Variants in TCF7L2 observed in about 807,000 individuals in gnomAD.
The protein encoded by TCF7L2 is transcription factor 7-like 2.
Under a neutral mutation model 77.9 loss-of-function variants are expected in TCF7L2, and 23 were observed. That is an observed-to-expected ratio of 0.30 (90% CI 0.21 to 0.42). The LOEUF (loss-of-function observed/expected upper bound fraction) is 0.42, where lower values mean the gene tolerates loss of function less well. TCF7L2 is among the 10% of genes least tolerant of loss of function. The pLI, the probability that TCF7L2 is intolerant of heterozygous loss-of-function variation, is 1.00. For synonymous variants in TCF7L2, 413 were observed against 340.2 expected (o/e 1.21, Z -2.36); for missense variants, 654 against 793.1 (o/e 0.82, Z 2.11).
intron 5 of TCF7L2, among the ~76,000 whole-genome samples, chr10:113,095,380 C>A (rs1256503275): frequency 6.6e-6 from 1 of 152,160 alleles, no homozygotes; most frequent in African/African-American, 2.4e-5. Flanking sequence ...GTGGGACTGC[C>A]AGATTATTTT....
chr10:113,071,657 GGT>G (rs1398325279), intron 5 of TCF7L2, among the ~76,000 whole-genome samples: 4 of 152,216 alleles, frequency 2.6e-5, no homozygotes, highest in African/African-American at 9.6e-5. Flanking sequence ...AAGCCTTCCT[GGT>G]GCCTGGACTG....
At chr10:112,965,909 C>T (rs993281735) in intron 4 of TCF7L2, among the ~76,000 whole-genome samples, 10 of 152,100 alleles carry the variant, frequency 6.6e-5, no homozygotes, top group South Asian at 2.1e-4. Context: ...TGAGGTGGCT[C>T]ATGCCTGTAA....
intron 7 of TCF7L2, among the ~76,000 whole-genome samples, chr10:113,145,329 T>C (rs934563051): frequency 1.3e-5 from 2 of 152,142 alleles, no homozygotes; most frequent in Admixed American, 1.3e-4. Context: ...GGGGAGATAT[T>C]TGAAGGCTAG....
At chr10:112,960,807 C>T (rs1186669509) in intron 3 of TCF7L2, among the ~76,000 whole-genome samples, 1 of 152,012 alleles carries the variant, frequency 6.6e-6, no homozygotes, top group Non-Finnish European at 1.5e-5. Context: ...CCTGCCTCAG[C>T]CTCCCGAGTA....
chr10:112,962,659 T>C (rs2134533026), intron 3 of TCF7L2, among the ~76,000 whole-genome samples: 1 of 152,266 alleles, frequency 6.6e-6, no homozygotes, highest in Middle Eastern at 3.4e-3. Context: ...AGTGCAGCGA[T>C]AAGGTCTTGG....
intron 5 of TCF7L2, among the ~76,000 whole-genome samples, chr10:113,105,623 C>T (rs544129496): frequency 7.0e-4 from 106 of 152,284 alleles, no homozygotes; most frequent in African/African-American, 2.5e-3. Context: ...CGCACCTCAC[C>T]TGTCTAGTGG....
chr10:112,994,493 A>G (rs1041054915), intron 4 of TCF7L2, among the ~76,000 whole-genome samples: 6 of 152,140 alleles, frequency 3.9e-5, no homozygotes, highest in Non-Finnish European at 8.8e-5. Context: ...ATTATGAGTA[A>G]CACTACTATG....
intron 6 of TCF7L2, 117 bp downstream of exon 6, chr10:113,141,433 G>T: frequency 6.9e-7 from 1 of 1,444,252 alleles, no homozygotes; most frequent in Non-Finnish European, 9.3e-7. Flanking sequence ...GGGGAACGGT[G>T]GTGGGGGGGC....
At chr10:113,127,475 T>G (rs560625110) in intron 5 of TCF7L2, among the ~76,000 whole-genome samples, 1 of 152,328 alleles carries the variant, frequency 6.6e-6, no homozygotes, top group East Asian at 1.9e-4. Context: ...AATGAGCAGT[T>G]CCTCCCACCT....
At chr10:112,986,855 A>C (rs1007652814) in intron 4 of TCF7L2, among the ~76,000 whole-genome samples, 2 of 152,124 alleles carry the variant, frequency 1.3e-5, no homozygotes, top group African/African-American at 4.8e-5. Flanking sequence ...TTTCTAGTTC[A>C]GTATAATTTT....
chr10:112,966,184 T>TTTTATATATATATATA lies in TCF7L2; in HGVS notation c.450+1561_450+1562insTTATATATATATATAT, dbSNP rs1554876896. ...GAGTGAGACTCTGTCTAAAATATAT[T>TTTTATATATATATATA]TATATATATATATATATATATATAT... On this transcript the variant is annotated intron_variant, in intron 4 of 13. Coordinates refer to ENST00000627217, the MANE Select transcript of TCF7L2 (RefSeq NM_001146274.2). Among the ~76,000 whole-genome samples the TTTTATATATATATATA allele has an allele frequency of 1.2e-4, 14 of 114,278 alleles. 1 individual carries two copies. The highest frequency in any genetic ancestry group is 6.7e-4 in the African/African-American group (14 of 21,002). 75.0% of individuals were successfully genotyped at this position (114,278 alleles called of 152,430 possible).
chr10:112,979,874 C>T (rs2040163405), intron 4 of TCF7L2, among the ~76,000 whole-genome samples: 1 of 152,200 alleles, frequency 6.6e-6, no homozygotes, highest in Non-Finnish European at 1.5e-5. Flanking sequence ...ACGTAAAATA[C>T]TTTGAGAAAA....
intron 5 of TCF7L2, among the ~76,000 whole-genome samples, chr10:113,111,649 A>G (rs1158680407): frequency 6.6e-6 from 1 of 152,120 alleles, no homozygotes; most frequent in African/African-American, 2.4e-5. Context: ...AAAATTAGCC[A>G]GGCGTGGTGG....
At chr10:113,160,081 C>G (rs575138497) in intron 12 of TCF7L2, 89 bp downstream of exon 14, 128 of 1,195,152 alleles carry the variant, frequency 1.1e-4, no homozygotes, top group Non-Finnish European at 1.5e-4. Flanking sequence ...CTTTGTAGCT[C>G]TGTGTGTGGA....
intron 4 of TCF7L2, among the ~76,000 whole-genome samples, chr10:112,991,495 G>A (rs138112200): frequency 1.4e-4 from 20 of 139,416 alleles, no homozygotes; most frequent in African/African-American, 3.6e-4. Flanking sequence ...GCGACAGAGC[G>A]AGACTCCATC....
chr10:113,143,280 C>T (rs1014498805), intron 6 of TCF7L2, among the ~76,000 whole-genome samples: 1 of 152,262 alleles, frequency 6.6e-6, no homozygotes, highest in Non-Finnish European at 1.5e-5. Flanking sequence ...ACTCTGTCCT[C>T]TAGCGGATGA....
At chr10:113,076,023 C>T (rs2058654511) in intron 5 of TCF7L2, among the ~76,000 whole-genome samples, 2 of 151,088 alleles carry the variant, frequency 1.3e-5, no homozygotes, top group African/African-American at 4.9e-5. Context: ...GTAATCCCAG[C>T]TACTGGGGAG....
intron 5 of TCF7L2, among the ~76,000 whole-genome samples, chr10:113,086,644 T>C (rs1444227457): frequency 6.6e-6 from 1 of 152,186 alleles, no homozygotes; most frequent in Admixed American, 6.5e-5. Flanking sequence ...GCAGTATTGT[T>C]ACCAGAAAAA....
At chr10:113,009,433 G>A (rs1027554435) in intron 4 of TCF7L2, among the ~76,000 whole-genome samples, 4 of 152,124 alleles carry the variant, frequency 2.6e-5, no homozygotes, top group Non-Finnish European at 2.9e-5. Flanking sequence ...GGAGACTCTC[G>A]CCTGCATTCA....
Sources: gnomAD v4.1 joint callset for allele counts (sites outside exome capture counted in the v4.1 genomes callset) on GRCh38, gnomAD v4.1.1 for gene constraint, MANE v1.5 for transcripts, NCBI Gene and HGNC (gene_info 2026-07-23, HGNC 2026-07-21) for gene names.